CSMD1: variants seen among roughly 807,000 people sequenced by gnomAD.
CSMD1 encodes CUB and Sushi multiple domains 1.
A neutral mutation model predicts 417.5 loss-of-function variants in CSMD1; 213 were observed. That is an observed-to-expected ratio of 0.51 (90% CI 0.46 to 0.57). The LOEUF is 0.57. Among genes scored for constraint, CSMD1 ranks in the 20% least tolerant of loss-of-function variants. The pLI is 0.00. For missense variants in CSMD1, 6,923 were observed against 4,529.7 expected (o/e 1.53, Z -15.17); for synonymous variants, 2,862 against 1,736.8 (o/e 1.65, Z -16.11).
At chr8:4,454,816 A>T (rs542953873) in intron 2 of CSMD1, among the ~76,000 whole-genome samples, 7 of 152,326 alleles carry the variant, frequency 4.6e-5, no homozygotes, top group African/African-American at 1.7e-4. Flanking sequence ...AAATTATCTC[A>T]ACCATAAGAA....
At chr8:4,437,402 C>G (rs528721307) in intron 2 of CSMD1, among the ~76,000 whole-genome samples, 5 of 152,098 alleles carry the variant, frequency 3.3e-5, no homozygotes, top group Non-Finnish European at 5.9e-5. Context: ...TCATGACTAG[C>G]AAAGTGAGCC....
chr8:4,178,388 T>C (rs1240531028), intron 3 of CSMD1, among the ~76,000 whole-genome samples: 3 of 150,708 alleles, frequency 2.0e-5, no homozygotes, highest in African/African-American at 4.9e-5. Context: ...CAACCCTTCA[T>C]GCTAAAAACT....
intron 5 of CSMD1, among the ~76,000 whole-genome samples, chr8:3,931,072 A>C (rs1810104004): frequency 6.6e-6 from 1 of 150,604 alleles, no homozygotes; most frequent in African/African-American, 2.4e-5. Flanking sequence ...TAAAGTTTTA[A>C]AAATGTGACA....
At position 4,027,414 on chromosome 8, in the gene CSMD1, G is replaced by A. The variant is rs772325476; in HGVS notation, c.610+4491C>T. On this transcript the variant is annotated intron_variant, in intron 4 of 69. Transcript: ENST00000635120. The stretch of plus-strand genomic sequence containing the variant: ...CCCATGAGTTGGGGAGGCACATTGT[G>A]GGAGGTGATTAGATCATGGGGGTGG... 5.9e-5 allele frequency among the ~76,000 whole-genome samples: 9 copies of A among 152,086 alleles called. 1 individual carries two copies. Among genetic ancestry groups the A allele is most frequent in the Non-Finnish European group, 2.9e-5 (2 of 68,022 alleles).
At chr8:3,815,445 T>C (rs1170758531) in intron 5 of CSMD1, among the ~76,000 whole-genome samples, 6 of 152,180 alleles carry the variant, frequency 3.9e-5, no homozygotes, top group African/African-American at 1.4e-4. Flanking sequence ...CTGACAGATA[T>C]TGTGCCAGTC....
chr8:4,633,070 A>G lies in CSMD1; in HGVS notation c.302+4272T>C, dbSNP rs370296925. On this transcript the variant is annotated intron_variant, in intron 2 of 69. Coordinates refer to ENST00000635120, the MANE Select transcript of CSMD1 (RefSeq NM_033225.6). ...CGGAGATAGAAGCCAGGGCTAGGAC[A>G]GCAGCAGATGTGTCAGTGTTCCCGA... Among the ~76,000 whole-genome samples the G allele has an allele frequency of 3.0e-4, 46 of 152,278 alleles. No homozygotes were observed. The East Asian group carries it at 5.4e-3, about 18-fold the overall frequency.
intron 1 of CSMD1, among the ~76,000 whole-genome samples, chr8:4,955,318 G>A (rs552224458): frequency 6.6e-6 from 1 of 152,032 alleles, no homozygotes; most frequent in Non-Finnish European, 1.5e-5. Flanking sequence ...AAAAACTAAG[G>A]TTATAAATAC....
rs143835150 is a variant in CSMD1, at chr8:3,214,329, G to A, written c.4867+168C>T. On this transcript the variant is annotated intron_variant, in intron 30 of 69. Coordinates refer to ENST00000635120, the MANE Select transcript of CSMD1 (RefSeq NM_033225.6). ...TATGAGAATGGCTAACACACTAGCT[G>A]CATTAAATGATCAATGAATGACTGA... 4.1e-4 allele frequency among the ~76,000 whole-genome samples: 62 copies of A among 152,246 alleles called. No individual in the cohort carries two copies. In the South Asian group the frequency reaches 5.4e-3, roughly 13 times the overall value.
At chr8:3,435,339 G>A (rs1019147527) in intron 12 of CSMD1, among the ~76,000 whole-genome samples, 1 of 152,130 alleles carries the variant, frequency 6.6e-6, no homozygotes, top group Non-Finnish European at 1.5e-5. Flanking sequence ...TGAAACAGAT[G>A]CCCTGAGTGG....
intron 7 of CSMD1, among the ~76,000 whole-genome samples, chr8:3,669,341 T>G (rs1278876916): frequency 6.6e-6 from 1 of 152,168 alleles, no homozygotes; most frequent in African/African-American, 2.4e-5. Flanking sequence ...CTCAGGCCCA[T>G]GCTTCAGAGC....
At chr8:3,707,172 A>T (rs1801218267) in intron 7 of CSMD1, among the ~76,000 whole-genome samples, 1 of 152,192 alleles carries the variant, frequency 6.6e-6, no homozygotes, top group Non-Finnish European at 1.5e-5. Flanking sequence ...GGAAATCCTA[A>T]AGTGATAAAG....
chr8:3,093,654 G>A (rs558645342), intron 47 of CSMD1, among the ~76,000 whole-genome samples: 124 of 151,610 alleles, frequency 8.2e-4, no homozygotes, highest in African/African-American at 2.8e-3. Context: ...GGCAACAAGA[G>A]CAAAATTCTG....
At chr8:3,613,230 A>C (rs1584961416) in intron 8 of CSMD1, 1 of 409,786 alleles carries the variant, frequency 2.4e-6, no homozygotes, top group South Asian at 1.8e-5. Context: ...TAGATCATCT[A>C]CATAAGCCTG....
At chr8:3,848,169 AT>A (rs1803641777) in intron 5 of CSMD1, among the ~76,000 whole-genome samples, 1 of 151,898 alleles carries the variant, frequency 6.6e-6, no homozygotes, top group African/African-American at 2.4e-5. Flanking sequence ...AGAAGTTGGC[AT>A]TTTTTACAGG....
At chr8:4,925,702 A>G (rs911277710) in intron 1 of CSMD1, among the ~76,000 whole-genome samples, 3 of 151,800 alleles carry the variant, frequency 2.0e-5, no homozygotes, top group South Asian at 2.1e-4. Context: ...GCCCGCCACC[A>G]CGCAGGGCTA....
intron 36 of CSMD1, among the ~76,000 whole-genome samples, chr8:3,183,827 A>G (rs1821586394): frequency 6.6e-6 from 1 of 152,320 alleles, no homozygotes; most frequent in African/African-American, 2.4e-5. Context: ...ATATTTTCCC[A>G]AATTATTTCA....
chr8:3,072,407 A>G (rs1187795930), intron 49 of CSMD1, among the ~76,000 whole-genome samples: 1 of 152,240 alleles, frequency 6.6e-6, no homozygotes, highest in Non-Finnish European at 1.5e-5. Context: ...AACAAGCTTC[A>G]GAATTTTTTT....
At chr8:4,048,966 T>C (rs1798286208) in intron 3 of CSMD1, among the ~76,000 whole-genome samples, 1 of 152,172 alleles carries the variant, frequency 6.6e-6, no homozygotes, top group Non-Finnish European at 1.5e-5. Context: ...ATCGTATAAA[T>C]GTGTGTGAAT....
At chr8:4,297,458 G>T (rs188884959) in intron 3 of CSMD1, among the ~76,000 whole-genome samples, 1 of 152,254 alleles carries the variant, frequency 6.6e-6, no homozygotes, top group Admixed American at 6.5e-5. Context: ...GTTGCTGGGC[G>T]TCCGCAAGCT....
Sources: gnomAD v4.1 joint callset for allele counts (sites outside exome capture counted in the v4.1 genomes callset) on GRCh38, gnomAD v4.1.1 for gene constraint, MANE v1.5 for transcripts, NCBI Gene and HGNC (gene_info 2026-07-23, HGNC 2026-07-21) for gene names.